Variants in TRIM2 observed in about 807,000 individuals in gnomAD.
TRIM2 encodes the protein tripartite motif containing 2.
In TRIM2, 20 loss-of-function variants were observed where a neutral mutation model predicts 75.2. The observed-to-expected ratio is 0.27, with a 90% CI of 0.19 to 0.39. The LOEUF (loss-of-function observed/expected upper bound fraction) is 0.39. Among genes scored for constraint, TRIM2 ranks in the 10% least tolerant of loss-of-function variants. The pLI is 1.00. For synonymous variants in TRIM2, 373 were observed against 388.3 expected (o/e 0.96, Z 0.46); for missense variants, 660 against 990.8 (o/e 0.67, Z 4.48).
chr4:153,335,671 A>C lies in TRIM2; in HGVS notation c.*705A>C. 1.0e-6 allele frequency: 1 copy of C among 985,440 alleles called. No individual in the cohort carries two copies. The highest frequency in any genetic ancestry group is 5.2e-4 in the Middle Eastern group (1 of 1,914). The allele number at this position is 985,440 out of a possible 1,614,324, so 61.0% of individuals were successfully genotyped here. On this transcript the variant is annotated 3_prime_UTR_variant, in exon 12 of 12. Coordinates refer to ENST00000338700, the MANE Select transcript of TRIM2 (RefSeq NM_015271.5). ...CAGCAAACAAAGTACTTCTTCAGGG[A>C]AACCTGAAATTTCTAATGCCTTGAA...
chr4:153,216,266 T>A (rs1281018588), intron 1 of TRIM2, among the ~76,000 whole-genome samples: 1 of 152,228 alleles, frequency 6.6e-6, no homozygotes, highest in African/African-American at 2.4e-5. Flanking sequence ...CAATGTATCA[T>A]CATTTCAAGA....
chr4:153,300,525 C>T (rs1401120033), intron 6 of TRIM2, among the ~76,000 whole-genome samples: 2 of 152,040 alleles, frequency 1.3e-5, no homozygotes, highest in African/African-American at 2.4e-5. Context: ...ATTTTCATAT[C>T]CGCGATGATT....
At chr4:153,230,602 G>A (rs1743369559) in intron 1 of TRIM2, among the ~76,000 whole-genome samples, 1 of 152,208 alleles carries the variant, frequency 6.6e-6, no homozygotes, top group Admixed American at 6.5e-5. Context: ...CTGGAAATAT[G>A]GGGACTGTCA....
chr4:153,336,191 AAGAC>A lies in TRIM2; in HGVS notation c.*1229_*1232del, dbSNP rs1210987806. On this transcript the variant is annotated 3_prime_UTR_variant, in exon 12 of 12. Coordinates refer to ENST00000338700, the MANE Select transcript of TRIM2 (RefSeq NM_015271.5). ...TGTATTGAAATAGGCAGCACTCTGA[AAGAC>A]AGAAGCTTCGTCCAGCCACTCTTCA... 3 of 985,496 alleles carry A rather than the reference AAGAC, an allele frequency of 3.0e-6. No individual in the cohort carries two copies. In the African/African-American group the frequency reaches 5.2e-5, roughly 17 times the overall value. 61.0% of individuals were successfully genotyped at this position (985,496 alleles called of 1,614,324 possible). A position where few individuals can be genotyped will look rare whatever the true frequency, so the allele number is the denominator to read the frequency against.
At chr4:153,260,746 G>C (rs56026243) in intron 1 of TRIM2, among the ~76,000 whole-genome samples, 2,743 of 117,672 alleles carry the variant, frequency 0.023, 49 homozygotes, top group Middle Eastern at 0.052. Context: ...TCATCATCAT[G>C]ATCATCATCA....
At chr4:153,330,042 A>G (rs958374479) in intron 11 of TRIM2, among the ~76,000 whole-genome samples, 5 of 152,190 alleles carry the variant, frequency 3.3e-5, no homozygotes, top group African/African-American at 1.2e-4. Context: ...GAATTCTGTG[A>G]ACAACTCTAC....
chr4:153,188,397 C>T (rs1159341563), intron 1 of TRIM2, among the ~76,000 whole-genome samples: 1 of 152,110 alleles, frequency 6.6e-6, no homozygotes, highest in Non-Finnish European at 1.5e-5. Flanking sequence ...GAGGTAGAGG[C>T]TGCAGTGAGC....
chr4:153,302,385 G>C (rs768517814), intron 6 of TRIM2, among the ~76,000 whole-genome samples: 2 of 152,198 alleles, frequency 1.3e-5, no homozygotes, highest in Non-Finnish European at 2.9e-5. Context: ...TAGAGATGAA[G>C]GAAATGACAT....
At chr4:153,172,734 A>G (rs560103771) in intron 1 of TRIM2, among the ~76,000 whole-genome samples, 1 of 152,294 alleles carries the variant, frequency 6.6e-6, no homozygotes, top group South Asian at 2.1e-4. Context: ...AACCAGGATC[A>G]GGGGAGGGAG....
At chr4:153,223,152 C>A (rs1560838794) in intron 1 of TRIM2, 1 of 151,964 alleles carries the variant, frequency 6.6e-6, no homozygotes, top group African/African-American at 2.4e-5. Flanking sequence ...CGCTGCGGGG[C>A]TGGCAGCCGG....
chr4:153,211,714 TCCTGGGCCCAAATACTCTGCCCA>T (rs1284710935), intron 1 of TRIM2, among the ~76,000 whole-genome samples: 2 of 151,938 alleles, frequency 1.3e-5, no homozygotes, highest in Admixed American at 6.6e-5. Flanking sequence ...GTCTCTGAAC[TCCTGGGCCCAAATACTCTGCCCA>T]CCTGGGCCTC....
At chr4:153,305,619 G>T (rs1273162245) in intron 6 of TRIM2, among the ~76,000 whole-genome samples, 1 of 152,206 alleles carries the variant, frequency 6.6e-6, no homozygotes, top group African/African-American at 2.4e-5. Context: ...TGGTGGAAAA[G>T]CTGAAGGATA....
At chr4:153,324,232 A>G (rs974620732) in intron 10 of TRIM2, 84 bp downstream of exon 10, 15 of 1,173,026 alleles carry the variant, frequency 1.3e-5, no homozygotes, top group Non-Finnish European at 1.8e-5. Context: ...CAATACTTAC[A>G]TATGGCACCA....
At position 153,294,324 on chromosome 4, in the gene TRIM2, G is replaced by A. The variant is rs773705758; in HGVS notation, c.625G>A (p.Ala209Thr). The A allele has an allele frequency of 5.6e-6, 9 of 1,614,098 alleles. No homozygotes were observed. The South Asian group carries it at 9.9e-5, about 18-fold the overall frequency. Residue 209 changes from alanine (A) to threonine (T), a missense_variant, in exon 5 of 12, where the codon GCT (alanine) becomes ACT (threonine). Coordinates refer to ENST00000338700, the MANE Select transcript of TRIM2 (RefSeq NM_015271.5). ...CACCAGGCTCCCAGAAATAGATTCT[G>A]CTCTTCAGTTCATCTCTGAAATCAT... is the stretch of plus-strand genomic sequence containing the variant. ...VNKRLPEIDS[A>T]LQFISEIIHQ...
chr4:153,241,109 G>A (rs1746451089), intron 1 of TRIM2, among the ~76,000 whole-genome samples: 1 of 152,174 alleles, frequency 6.6e-6, no homozygotes, highest in African/African-American at 2.4e-5. Flanking sequence ...ACCTTTTCCT[G>A]TAGAGTATGT....
chr4:153,312,630 C>A lies in TRIM2; in HGVS notation c.1511-2855C>A, dbSNP rs182668078. Among the ~76,000 whole-genome samples, 1,007 of 151,764 alleles carry A rather than the reference C, an allele frequency of 6.6e-3. 16 individuals carry two copies. The highest frequency in any genetic ancestry group is 0.023 in the African/African-American group (949 of 41,334). On this transcript the variant is annotated intron_variant, in intron 6 of 11. Transcript: ENST00000338700. ...GGTGGGACTGTAAACTAGTTCAACC[C>A]TTGTGGAAGTCAGTGTGGTGATTCC...
At chr4:153,252,554 C>T (rs1013553043) in intron 1 of TRIM2, among the ~76,000 whole-genome samples, 1 of 152,218 alleles carries the variant, frequency 6.6e-6, no homozygotes, top group African/African-American at 2.4e-5. Flanking sequence ...CTCTGTCACC[C>T]AGGCTGGAGT....
At chr4:153,230,893 C>T (rs1174467693) in intron 1 of TRIM2, among the ~76,000 whole-genome samples, 1 of 152,198 alleles carries the variant, frequency 6.6e-6, no homozygotes, top group Non-Finnish European at 1.5e-5. Context: ...ATGATTTAAC[C>T]TCTCATTTGA....
rs762952620 is a variant in TRIM2 at position 153,315,948 on chromosome 4, C to A, written c.1731C>A (p.Ala577=). The change falls in exon 8 of 12, where the codon GCC becomes GCA. Residue 577 remains alanine (A), a synonymous_variant. Transcript: ENST00000338700. The part of the protein sequence containing the change: ...AVHPSGDIII[A]DYDNKWVSIF... ...ATCCCAGTGGGGACATAATCATTGCCGATTATGATAATAAATGGGTCAGCA... is the reference window on the plus strand; with the variant it reads ...ATCCCAGTGGGGACATAATCATTGCAGATTATGATAATAAATGGGTCAGCA... 1.2e-6 allele frequency: 2 copies of A among 1,601,192 alleles called. No homozygotes were observed. Among genetic ancestry groups the A allele is most frequent in the South Asian group, 2.3e-5 (2 of 88,696 alleles).
Sources: gnomAD v4.1 joint callset for allele counts (sites outside exome capture counted in the v4.1 genomes callset) on GRCh38, gnomAD v4.1.1 for gene constraint, MANE v1.5 for transcripts, NCBI Gene and HGNC (gene_info 2026-07-23, HGNC 2026-07-21) for gene names.